ZNF443: variants seen among roughly 807,000 people sequenced by gnomAD.
ZNF443 encodes the protein Kruppel-type zinc finger (C2H2).
A neutral mutation model predicts 12.0 loss-of-function variants in ZNF443; 3 were observed. The observed-to-expected ratio is 0.25, with a 90% CI of 0.11 to 0.64. The LOEUF (loss-of-function observed/expected upper bound fraction) is 0.64, where lower values mean the gene tolerates loss of function less well. Ranked by LOEUF, ZNF443 falls within the 30% of genes least tolerant of loss-of-function variation. The pLI, the probability that ZNF443 is intolerant of heterozygous loss-of-function variation, is 0.84. For synonymous variants in ZNF443, 225 were observed against 265.9 expected (o/e 0.85, Z 1.50); for missense variants, 770 against 808.8 (o/e 0.95, Z 0.58).
intron 1 of ZNF443, among the ~76,000 whole-genome samples, chr19:12,440,645 A>G (rs1455302282): frequency 1.3e-5 from 2 of 152,248 alleles, no homozygotes; most frequent in Admixed American, 1.3e-4. Context: ...CAGCCGCACA[A>G]TCTGGGGAGA....
At chr19:12,435,370 T>G (rs369099520) in intron 1 of ZNF443, among the ~76,000 whole-genome samples, 46 of 152,182 alleles carry the variant, frequency 3.0e-4, no homozygotes, top group African/African-American at 1.1e-3. Flanking sequence ...ACAAAAAGCC[T>G]GTAGACAACT....
At chr19:12,433,485 TG>T (rs1416368992) in intron 1 of ZNF443, among the ~76,000 whole-genome samples, 1 of 152,196 alleles carries the variant, frequency 6.6e-6, no homozygotes, top group African/African-American at 2.4e-5. Flanking sequence ...ATTTCCACAG[TG>T]GGTCTGCAGT....
At position 12,430,914 on chromosome 19, in the gene ZNF443, G is replaced by T. The variant is rs1244539825; in HGVS notation, c.1258C>A (p.Pro420Thr). The change falls in exon 4 of 4, where the codon CCT (proline) becomes ACT (threonine). Residue 420 changes from proline to threonine, a missense_variant. By Grantham distance (38) the Pro-to-Thr change is conservative. Around this residue, in one of 3 missense-constraint regions of ZNF443, gnomAD observed 736 missense variants for 689.4 expected, o/e 1.07. Coordinates refer to ENST00000301547, the MANE Select transcript of ZNF443 (RefSeq NM_005815.5). ...SHMIMHTGDG[P>T]HKCKVCGKAF... is the part of the protein sequence containing the mutation. The stretch of plus-strand genomic sequence containing the variant: ...TTCCCACATACCTTGCATTTATGAG[G>T]TCCATCTCCAGTGTGCATTATCATA... 3 of 1,613,978 alleles carry T rather than the reference G, an allele frequency of 1.9e-6. No homozygotes were observed. The highest frequency in any genetic ancestry group is 1.7e-5 in the Admixed American group (1 of 60,002).
rs567406194 is a variant in ZNF443, at chr19:12,437,994, A to G, written c.3+2918T>C. 2.4e-4 allele frequency among the ~76,000 whole-genome samples: 36 copies of G among 151,984 alleles called. No homozygotes were observed. In the South Asian group the frequency reaches 6.5e-3, roughly 27 times the overall value. Reference sequence around the variant, plus strand: ...CACGCACCCGTAGTCCCAGCTACTCAGGAGGCTGAGGCAAGAGAATCGCTT... The same window carrying G: ...CACGCACCCGTAGTCCCAGCTACTCGGGAGGCTGAGGCAAGAGAATCGCTT... On this transcript the variant is annotated intron_variant, in intron 1 of 3. Transcript: ENST00000301547.
chr19:12,437,545 A>G (rs1362809692), intron 1 of ZNF443, among the ~76,000 whole-genome samples: 1 of 152,150 alleles, frequency 6.6e-6, no homozygotes, highest in Non-Finnish European at 1.5e-5. Context: ...ACCGACAAGT[A>G]TAACAAATAT....
chr19:12,435,609 C>T (rs1221345829), intron 1 of ZNF443, among the ~76,000 whole-genome samples: 1 of 152,104 alleles, frequency 6.6e-6, no homozygotes, highest in Admixed American at 6.5e-5. Flanking sequence ...GTAAGCAGAA[C>T]ATAAAGCATA....
At chr19:12,439,713 G>C (rs191845699) in intron 1 of ZNF443, among the ~76,000 whole-genome samples, 4 of 152,224 alleles carry the variant, frequency 2.6e-5, no homozygotes, top group Non-Finnish European at 1.5e-5. Context: ...GGCTGGTCTG[G>C]AACTACTGGG....
chr19:12,430,772 T>C lies in ZNF443; in HGVS notation c.1400A>G (p.His467Arg). The change falls in exon 4 of 4, where the codon CAT becomes CGT. Residue 467 changes from histidine (H) to arginine (R), a missense_variant. Around this residue, in one of 3 missense-constraint regions of ZNF443, gnomAD observed 736 missense variants for 689.4 expected, o/e 1.07. Coordinates refer to ENST00000301547, the MANE Select transcript of ZNF443 (RefSeq NM_005815.5). ...TTTCTCTCCAGTATGAGTTGTTTCA[T>C]GCCTTCGAAGGGAACTGGAAATACG... ...AYRISSSLRR[H>R]ETTHTGEKPY... The C allele has an allele frequency of 6.2e-7, 1 of 1,613,914 alleles. No homozygotes were observed. Among genetic ancestry groups the C allele is most frequent in the Non-Finnish European group, 8.5e-7 (1 of 1,179,824 alleles).
chr19:12,434,568 C>T (rs1376993858), intron 1 of ZNF443, among the ~76,000 whole-genome samples: 1 of 152,106 alleles, frequency 6.6e-6, no homozygotes, highest in Admixed American at 6.6e-5. Context: ...ACAAAAATTA[C>T]ATTACCAAGT....
chr19:12,433,552 G>A (rs1004336785), intron 1 of ZNF443, among the ~76,000 whole-genome samples: 1 of 152,216 alleles, frequency 6.6e-6, no homozygotes, highest in African/African-American at 2.4e-5. Flanking sequence ...ACCATTAGCA[G>A]TGCTGAGACT....
At chr19:12,432,953 T>TG (rs1970272971) in intron 2 of ZNF443, 118 bp downstream of exon 2, 1 of 657,390 alleles carries the variant, frequency 1.5e-6, no homozygotes, top group Non-Finnish European at 2.0e-6. Context: ...TAAACCCTGT[T>TG]TTTTTTTTTC....
Position 12,431,700 on chromosome 19 carries a change from T to C in ZNF443, c.472A>G (p.Thr158Ala), listed in dbSNP as rs770921063. 10 of 1,614,062 alleles carry C rather than the reference T, an allele frequency of 6.2e-6. No homozygotes were observed. Among genetic ancestry groups the C allele is most frequent in the Non-Finnish European group, 8.5e-6 (10 of 1,180,008 alleles). Reference protein sequence around the residue: ...KAFSYHNSFQTHERLHTGKKP... With the variant: ...KAFSYHNSFQAHERLHTGKKP... ...TTTCCAGTGTGAAGCCTCTCATGTG[T>C]TTGAAATGAGTTGTGGTAACTGAAG... The change falls in exon 4 of 4, where the codon ACA (threonine) becomes GCA (alanine). Residue 158 changes from threonine to alanine, a missense_variant. Physicochemically the swap from Thr to Ala is moderately conservative, Grantham distance 58 (BLOSUM62 0). Around this residue, in one of 3 missense-constraint regions of ZNF443, gnomAD observed 736 missense variants for 689.4 expected, o/e 1.07. Transcript: ENST00000301547.
chr19:12,437,520 AG>A (rs756785906), intron 1 of ZNF443, among the ~76,000 whole-genome samples: 13 of 152,080 alleles, frequency 8.5e-5, no homozygotes, highest in Middle Eastern at 3.4e-3. Flanking sequence ...AGAAAAAGAA[AG>A]GAAGTTGAAA....
In ZNF443 at chr19:12,432,403, T is replaced by C. The variant is rs1486454450; in HGVS notation, c.165A>G (p.Gln55=). The C allele has an allele frequency of 1.2e-5, 18 of 1,556,310 alleles. No homozygotes were observed. The highest frequency in any genetic ancestry group is 1.5e-5 in the Non-Finnish European group (17 of 1,139,518). The change falls in exon 3 of 4, where the codon CAA becomes CAG. Residue 55 remains glutamine (Q), a synonymous_variant. Transcript: ENST00000301547. The part of the protein sequence containing the change: ...MKWKDQNIED[Q]YRYPRKNLRC... ...TTAGATTTTTCCTGGGATATCTATA[T>C]TGATCTTCAATGTTCTGGTCTTTCC...
Position 12,430,978 on chromosome 19 carries a change from A to G in ZNF443, c.1194T>C (p.Cys398=), listed in dbSNP as rs1382967001. 4 of 1,613,702 alleles carry G rather than the reference A, an allele frequency of 2.5e-6. No homozygotes were observed. Among genetic ancestry groups the G allele is most frequent in the Non-Finnish European group, 3.4e-6 (4 of 1,179,824 alleles). ...TTGAGCGATGAGATAATGCTTTCCCACACTGCTTGCATTCATAGGGTTTCT... is the reference window on the plus strand; with the variant it reads ...TTGAGCGATGAGATAATGCTTTCCCGCACTGCTTGCATTCATAGGGTTTCT... The part of the protein sequence containing the change: ...TGEKPYECKQ[C]GKALSHRSSF... Residue 398 remains cysteine (C), a synonymous_variant, in exon 4 of 4, where the codon TGT becomes TGC. Transcript: ENST00000301547.
chr19:12,434,218 G>A (rs1329080968), intron 1 of ZNF443, among the ~76,000 whole-genome samples: 1 of 152,176 alleles, frequency 6.6e-6, no homozygotes, highest in Non-Finnish European at 1.5e-5. Context: ...TCTGGGCATT[G>A]GGTCTATAAT....
Position 12,430,572 on chromosome 19 carries a change from A to G in ZNF443, c.1600T>C (p.Cys534Arg), listed in dbSNP as rs1191756503. 1.2e-6 allele frequency: 2 copies of G among 1,613,646 alleles called. No individual in the cohort carries two copies. Among genetic ancestry groups the G allele is most frequent in the East Asian group, 2.2e-5 (1 of 44,832 alleles). The part of the protein sequence containing the change: ...RTHTGEKPYE[C>R]KTCRKAFGHY... ...CCGAAGGCTTTCCTACATGTTTTAC[A>G]CTCATAAGGTTTCTCTCCTGTGTGA... Residue 534 changes from cysteine (C) to arginine (R), a missense_variant, in exon 4 of 4, where the codon TGT becomes CGT. By Grantham distance (180) the Cys-to-Arg change is radical (BLOSUM62 -3). Around this residue, in one of 3 missense-constraint regions of ZNF443, gnomAD observed 736 missense variants for 689.4 expected, o/e 1.07. Transcript: ENST00000301547.
At chr19:12,437,405 C>A (rs1421868434) in intron 1 of ZNF443, among the ~76,000 whole-genome samples, 1 of 98,324 alleles carries the variant, frequency 1.0e-5, no homozygotes, top group South Asian at 4.1e-4. Context: ...AAGAACCTGT[C>A]TCAAAAAAAA....
rs369676340 is a variant in ZNF443 at position 12,440,793 on chromosome 19, G to A, written c.3+119C>T. ...GCCGAGGGCCGACCTACGCCAGGGG[G>A]ACCCGGGTCCGTAGATCCCGAAGTC... On this transcript the variant is annotated intron_variant, in intron 1 of 3. Coordinates refer to ENST00000301547, the MANE Select transcript of ZNF443 (RefSeq NM_005815.5). 116 of 1,551,356 alleles carry A rather than the reference G, an allele frequency of 7.5e-5. 1 individual carries two copies. Among genetic ancestry groups the A allele is most frequent in the East Asian group, 6.7e-4 (30 of 44,566 alleles).
Sources: gnomAD v4.1 joint callset for allele counts (sites outside exome capture counted in the v4.1 genomes callset) on GRCh38, gnomAD v4.1.1 for gene constraint, gnomAD v4.1.1 regional missense constraint, MANE v1.5 for transcripts, NCBI Gene and HGNC (gene_info 2026-07-23, HGNC 2026-07-21) for gene names.